The following SNX30 variants were observed in gnomAD, a reference collection of about 807,000 sequenced individuals.
SNX30 encodes sorting nexin-30.
A neutral mutation model predicts 46.4 loss-of-function variants in SNX30; 24 were observed. The observed-to-expected ratio is 0.52, with a 90% confidence interval of 0.37 to 0.73. The LOEUF (loss-of-function observed/expected upper bound fraction) is 0.73. Ranked by LOEUF, SNX30 falls within the 30% of genes least tolerant of loss-of-function variation. The pLI, the probability that SNX30 is intolerant of heterozygous loss-of-function variation, is 0.00. For synonymous variants in SNX30, 189 were observed against 211.5 expected (o/e 0.89, Z 0.92); for missense variants, 533 against 555.7 (o/e 0.96, Z 0.41).
chr9:112,774,120 G>A (rs1325474599), intron 1 of SNX30, among the ~76,000 whole-genome samples: 2 of 152,162 alleles, frequency 1.3e-5, no homozygotes, highest in African/African-American at 4.8e-5. Context: ...CAAGTGTCGG[G>A]CACTGTGCTA....
intron 1 of SNX30, among the ~76,000 whole-genome samples, chr9:112,755,276 A>C (rs1839330069): frequency 1.3e-5 from 2 of 152,186 alleles, no homozygotes; most frequent in South Asian, 4.1e-4. Context: ...TTAGTGGGTG[A>C]GTATCTGAAG....
At chr9:112,763,389 GGT>G (rs1490588249) in intron 1 of SNX30, among the ~76,000 whole-genome samples, 1 of 17,368 alleles carries the variant, frequency 5.8e-5, no homozygotes, top group Non-Finnish European at 1.2e-4. Flanking sequence ...TTTTTTTTTT[GGT>G]GTGTGTGTGT....
At chr9:112,883,037 G>T (rs191139102), downstream of SNX30, among the ~76,000 whole-genome samples, 2 of 152,330 alleles carry the variant, frequency 1.3e-5, no homozygotes, top group Admixed American at 1.3e-4. Flanking sequence ...ATGTCGCCAA[G>T]AAATCATATG....
At chr9:112,831,590 C>T (rs10513169) in intron 4 of SNX30, among the ~76,000 whole-genome samples, 10,340 of 152,282 alleles carry the variant, frequency 0.068, 447 homozygotes, top group Non-Finnish European at 0.099. Context: ...CAGGTAGCGT[C>T]ACTAGGATCT....
intron 1 of SNX30, among the ~76,000 whole-genome samples, chr9:112,771,051 G>A (rs922393662): frequency 6.6e-6 from 1 of 152,140 alleles, no homozygotes; most frequent in Admixed American, 6.5e-5. Context: ...ACCCCTCCCT[G>A]CCCAGTTATT....
At chr9:112,847,762 C>T (rs1010797506) in intron 6 of SNX30, among the ~76,000 whole-genome samples, 2 of 152,092 alleles carry the variant, frequency 1.3e-5, no homozygotes, top group African/African-American at 4.8e-5. Flanking sequence ...AATAAGTGTC[C>T]GAGAGGAATT....
intron 2 of SNX30, among the ~76,000 whole-genome samples, chr9:112,816,456 C>T (rs1840397459): frequency 6.6e-6 from 1 of 152,146 alleles, no homozygotes; most frequent in Non-Finnish European, 1.5e-5. Flanking sequence ...GTGAATTTCC[C>T]CACATCTTCA....
chr9:112,851,198 GGCA>G (rs1158140687), intron 7 of SNX30, among the ~76,000 whole-genome samples: 2 of 152,130 alleles, frequency 1.3e-5, no homozygotes, highest in Non-Finnish European at 2.9e-5. Context: ...GCCATTCATC[GGCA>G]GTTCCTTGCT....
chr9:112,815,834 T>G (rs1397636603), intron 2 of SNX30, among the ~76,000 whole-genome samples: 1 of 152,134 alleles, frequency 6.6e-6, no homozygotes, highest in African/African-American at 2.4e-5. Flanking sequence ...GTCTTGAACT[T>G]CCCTTCCAAC....
chr9:112,823,693 TTAA>T (rs1418905936), intron 3 of SNX30, among the ~76,000 whole-genome samples: 2 of 152,232 alleles, frequency 1.3e-5, no homozygotes, highest in East Asian at 3.8e-4. Flanking sequence ...CTCAGAGGAA[TTAA>T]TGAGAATAAA....
chr9:112,785,758 C>G (rs1839914572), intron 1 of SNX30, among the ~76,000 whole-genome samples: 1 of 152,150 alleles, frequency 6.6e-6, no homozygotes, highest in African/African-American at 2.4e-5. Context: ...GTCTTGAACT[C>G]CTGGGCTCAA....
In SNX30 at chr9:112,804,918, A is replaced by G. The variant is rs1247932262; in HGVS notation, c.299A>G (p.Lys100Arg). 2 of 1,613,836 alleles carry G rather than the reference A, an allele frequency of 1.2e-6. No homozygotes were observed. Among genetic ancestry groups the G allele is most frequent in the Admixed American group, 3.3e-5 (2 of 60,004 alleles). ...TTCGTTATAGTTGATGATCCCAAGA[A>G]GCATGTGTGTACAATGGAGACTTAC... is the stretch of plus-strand genomic sequence containing the variant. ...DLFVIVDDPK[K>R]HVCTMETYIT... Residue 100 changes from lysine (K) to arginine (R), a missense_variant, in exon 2 of 9, where the codon AAG (lysine) becomes AGG (arginine). This residue lies in a region of SNX30 where 191 missense variants were observed against 160.3 expected (regional missense o/e 1.19). Transcript: ENST00000374232.
downstream of SNX30, chr9:112,876,998 G>A (rs1841526366): frequency 6.6e-6 from 1 of 152,006 alleles, no homozygotes; most frequent in African/African-American, 2.4e-5. Context: ...AAAAAATCGG[G>A]CCCCATAGGT....
intron 1 of SNX30, among the ~76,000 whole-genome samples, chr9:112,752,580 G>A (rs1235577381): frequency 2.0e-5 from 3 of 152,206 alleles, no homozygotes; most frequent in Admixed American, 1.3e-4. Context: ...ACTCCAGCCT[G>A]GGCAAGAGAG....
At chr9:112,843,613 G>A (rs111745747) in intron 6 of SNX30, among the ~76,000 whole-genome samples, 2 of 142,802 alleles carry the variant, frequency 1.4e-5, no homozygotes, top group Admixed American at 1.4e-4. Context: ...GTAGGAGCCT[G>A]GTCCTGCAGT....
chr9:112,766,610 G>A (rs10981501), intron 1 of SNX30, among the ~76,000 whole-genome samples: 2,579 of 152,216 alleles, frequency 0.017, 57 homozygotes, highest in East Asian at 0.12. Context: ...TTAAATGACT[G>A]CTGCCATTCT....
chr9:112,811,646 TG>T (rs1248080547), intron 2 of SNX30, among the ~76,000 whole-genome samples: 1 of 152,182 alleles, frequency 6.6e-6, no homozygotes, highest in Non-Finnish European at 1.5e-5. Flanking sequence ...ATAGCAAAAA[TG>T]AGCCTTCTTG....
downstream of SNX30, among the ~76,000 whole-genome samples, chr9:112,884,146 T>TA (rs1841617415): frequency 1.3e-5 from 2 of 152,218 alleles, no homozygotes; most frequent in African/African-American, 4.8e-5. Flanking sequence ...GGCAAGTTCT[T>TA]ACGGTGGCAT....
intron 7 of SNX30, among the ~76,000 whole-genome samples, 193 bp downstream of exon 7, chr9:112,851,138 C>G (rs756659011): frequency 4.6e-5 from 7 of 152,170 alleles, no homozygotes; most frequent in African/African-American, 9.7e-5. Flanking sequence ...ATTGAGTTTT[C>G]CACTGTTTCC....
Sources: allele counts gnomAD v4.1 joint callset (sites outside exome capture counted in the v4.1 genomes callset), GRCh38; gene constraint gnomAD v4.1.1; regional missense constraint gnomAD v4.1.1; transcripts MANE v1.5; gene names NCBI Gene and HGNC (gene_info 2026-07-23, HGNC 2026-07-21).